Variants in USP13 observed in about 807,000 individuals in gnomAD.
USP13 encodes the protein ubiquitin carboxyl-terminal hydrolase 13.
A neutral mutation model predicts 107.8 loss-of-function variants in USP13; 68 were observed. That is an observed-to-expected ratio of 0.63 (90% CI 0.52 to 0.77). The LOEUF (loss-of-function observed/expected upper bound fraction) is 0.77. Among genes scored for constraint, USP13 ranks in the 30% least tolerant of loss-of-function variants. The probability of loss-of-function intolerance (pLI) is 0.00; values close to 1 mark genes in which losing one functional copy is unlikely to be tolerated. For synonymous variants in USP13, 377 were observed against 389.5 expected (o/e 0.97, Z 0.38); for missense variants, 945 against 1,093.3 (o/e 0.86, Z 1.91).
chr3:179,736,666 G>A lies in USP13; in HGVS notation c.1255-3581G>A, dbSNP rs549234285. ...TTAAGAAAAGTTGGTTAAGGAAAACGAAGAAATGAAATGGTCACAGAAGTG... is the reference window on the plus strand; with the variant it reads ...TTAAGAAAAGTTGGTTAAGGAAAACAAAGAAATGAAATGGTCACAGAAGTG... On this transcript the variant is annotated intron_variant, in intron 10 of 20. Coordinates refer to ENST00000263966, the MANE Select transcript of USP13 (RefSeq NM_003940.3). 1.1e-4 allele frequency among the ~76,000 whole-genome samples: 16 copies of A among 152,328 alleles called. No homozygotes were observed. In the South Asian group the frequency reaches 1.2e-3, roughly 12 times the overall value.
intron 19 of USP13, among the ~76,000 whole-genome samples, chr3:179,776,096 G>C (rs775424112): frequency 9.9e-5 from 15 of 152,136 alleles, no homozygotes; most frequent in Non-Finnish European, 2.2e-4. Flanking sequence ...AGATTTGGAG[G>C]GGACAAACAT....
chr3:179,773,818 A>G (rs1305313809), intron 19 of USP13, among the ~76,000 whole-genome samples: 13 of 152,200 alleles, frequency 8.5e-5, no homozygotes, highest in African/African-American at 3.1e-4. Flanking sequence ...TTATACCCCA[A>G]TTTATAAATC....
chr3:179,680,121 C>T (rs940651015), intron 1 of USP13, among the ~76,000 whole-genome samples: 7 of 151,624 alleles, frequency 4.6e-5, no homozygotes, highest in East Asian at 1.9e-4. Flanking sequence ...TGCAGTGAGC[C>T]GGGATCCTGC....
At chr3:179,775,537 C>T (rs544774206) in intron 19 of USP13, among the ~76,000 whole-genome samples, 14 of 152,374 alleles carry the variant, frequency 9.2e-5, no homozygotes, top group African/African-American at 2.4e-4. Flanking sequence ...AGCCCTTGGG[C>T]GGTCGATGGG....
At chr3:179,776,416 TTTA>T (rs1715540875) in intron 19 of USP13, among the ~76,000 whole-genome samples, 1 of 152,208 alleles carries the variant, frequency 6.6e-6, no homozygotes, top group South Asian at 2.1e-4. Context: ...ATAAACTCTT[TTTA>T]AACAGTCCTT....
intron 19 of USP13, among the ~76,000 whole-genome samples, chr3:179,773,038 C>T (rs1473905173): frequency 6.6e-6 from 1 of 152,090 alleles, no homozygotes; most frequent in Non-Finnish European, 1.5e-5. Context: ...TTGTATATTG[C>T]GCCTGATATA....
intron 6 of USP13, among the ~76,000 whole-genome samples, chr3:179,710,416 G>C (rs1175873662): frequency 2.6e-5 from 4 of 152,192 alleles, no homozygotes; most frequent in Non-Finnish European, 5.9e-5. Flanking sequence ...ATGCTGTCTT[G>C]TGTAGTTGCC....
intron 2 of USP13, among the ~76,000 whole-genome samples, chr3:179,687,683 A>AAAAAAAAAAAAAAAAAAAAAAAAAAAAC (rs1314084317): frequency 6.9e-6 from 1 of 144,534 alleles, no homozygotes; most frequent in Admixed American, 7.0e-5. Flanking sequence ...AAAAAAAAAA[A>AAAAAAAAAAAAAAAAAAAAAAAAAAAAC]AAGGACTAGT....
Position 179,687,659 on chromosome 3 carries a change from CAAAA to C in USP13, c.295-2559_295-2556del, listed in dbSNP as rs71182509. On this transcript the variant is annotated intron_variant, in intron 2 of 20. Coordinates refer to ENST00000263966, the MANE Select transcript of USP13 (RefSeq NM_003940.3). ...GGGCAACAAGAGTGAAACTCTGTCT[CAAAA>C]AAAAAAAAAAAAAAAAAAAAAAGGA... Among the ~76,000 whole-genome samples the C allele has an allele frequency of 6.3e-3, 117 of 18,516 alleles. 5 individuals carry two copies. The highest frequency in any genetic ancestry group is 0.054 in the South Asian group (16 of 296). 12.1% of individuals were successfully genotyped at this position (18,516 alleles called of 152,430 possible).
At chr3:179,707,522 G>A (rs1046784163) in intron 5 of USP13, among the ~76,000 whole-genome samples, 3 of 152,174 alleles carry the variant, frequency 2.0e-5, no homozygotes, top group East Asian at 1.9e-4. Flanking sequence ...AGCCCCAGTC[G>A]CCCACAGTGT....
At chr3:179,778,558 G>A (rs955224383) in intron 19 of USP13, among the ~76,000 whole-genome samples, 9 of 152,308 alleles carry the variant, frequency 5.9e-5, no homozygotes, top group South Asian at 2.1e-4. Context: ...GAGGTCAGGC[G>A]TTCGAGACCG....
At position 179,778,506 on chromosome 3, in the gene USP13, G is replaced by A. The variant is rs1267510615; in HGVS notation, c.2414-3233G>A. On this transcript the variant is annotated intron_variant, in intron 19 of 20. Coordinates refer to ENST00000263966, the MANE Select transcript of USP13 (RefSeq NM_003940.3). ...TGGCTGGGCATGGTGGCTCATACCT[G>A]TAATCCCAGCACTTTGGGAGGCCGA... Among the ~76,000 whole-genome samples the A allele has an allele frequency of 3.3e-5, 5 of 152,204 alleles. 1 individual carries two copies. Among genetic ancestry groups the A allele is most frequent in the African/African-American group, 1.2e-4 (5 of 41,460 alleles).
At position 179,653,402 on chromosome 3, in the gene USP13, G is replaced by T; in HGVS notation, c.168+9G>T. The T allele has an allele frequency of 6.4e-7, 1 of 1,551,532 alleles. No homozygotes were observed. The highest frequency in any genetic ancestry group is 8.7e-7 in the Non-Finnish European group (1 of 1,147,050). Reference sequence around the variant, plus strand: ...TCTCCTACGACTCTCCCGTAAGTGAGGCGCCTCGGGGGAGGGTCGCGGGGC... The same window carrying T: ...TCTCCTACGACTCTCCCGTAAGTGATGCGCCTCGGGGGAGGGTCGCGGGGC... On this transcript the variant is annotated intron_variant, in intron 1 of 20. Coordinates refer to ENST00000263966, the MANE Select transcript of USP13 (RefSeq NM_003940.3). The surrounding 1 kb of genome is among the most constrained non-coding windows in gnomAD (Gnocchi z 4.0).
rs80138753 is a variant in USP13 at position 179,742,529 on chromosome 3, G to C, written c.1534+179G>C. On this transcript the variant is annotated intron_variant, in intron 12 of 20. Transcript: ENST00000263966. This position sits in a 1 kb window ranked among gnomAD's most constrained non-coding sequence, Gnocchi z 5.0. Reference sequence around the variant, plus strand: ...TCCCATGTGACTTTTCCTTTGAGAAGAATCAAATGCATCACAGGTTTTATG... The same window carrying C: ...TCCCATGTGACTTTTCCTTTGAGAACAATCAAATGCATCACAGGTTTTATG... Among the ~76,000 whole-genome samples the C allele has an allele frequency of 6.6e-6, 1 of 152,184 alleles. No homozygotes were observed. Among genetic ancestry groups the C allele is most frequent in the Non-Finnish European group, 1.5e-5 (1 of 68,026 alleles).
chr3:179,653,200 G>T lies in USP13; in HGVS notation c.-26G>T, dbSNP rs774447537. 4 of 1,365,526 alleles carry T rather than the reference G, an allele frequency of 2.9e-6. No individual in the cohort carries two copies. In the South Asian group the frequency reaches 6.9e-5, roughly 24 times the overall value. The allele number at this position is 1,365,526 out of a possible 1,614,324, so 84.6% of individuals were successfully genotyped here. A position where few individuals can be genotyped will look rare whatever the true frequency, so the allele number is the denominator to read the frequency against. The stretch of plus-strand genomic sequence containing the variant: ...CCGCGCTCCGGCTCCGGCTCGGCTC[G>T]CTCGGCTCCGGTGCGCGCCGAGGCC... On this transcript the variant is annotated 5_prime_UTR_variant, in exon 1 of 21. Transcript: ENST00000263966. The surrounding 1 kb of genome is among the most constrained non-coding windows in gnomAD (Gnocchi z 4.0).
At chr3:179,668,866 T>G (rs1157936570) in intron 1 of USP13, among the ~76,000 whole-genome samples, 1 of 152,254 alleles carries the variant, frequency 6.6e-6, no homozygotes, top group Non-Finnish European at 1.5e-5. Context: ...TTCTTATTTA[T>G]GGGTGCTTAA....
At chr3:179,677,077 C>T (rs1189115402) in intron 1 of USP13, among the ~76,000 whole-genome samples, 1 of 151,778 alleles carries the variant, frequency 6.6e-6, no homozygotes, top group African/African-American at 2.4e-5. Context: ...AGGCTGGTCT[C>T]GAACTCCTGA....
chr3:179,774,126 G>A (rs1715426336), intron 19 of USP13, among the ~76,000 whole-genome samples: 1 of 152,210 alleles, frequency 6.6e-6, no homozygotes, highest in Non-Finnish European at 1.5e-5. Flanking sequence ...GAGCAAGCGT[G>A]TCACGTGGCA....
chr3:179,771,369 C>T (rs1221885381), intron 19 of USP13, among the ~76,000 whole-genome samples: 5 of 152,240 alleles, frequency 3.3e-5, no homozygotes, highest in African/African-American at 1.2e-4. Flanking sequence ...TTATGGGCCT[C>T]ACTCCTAGAA....
Sources: allele counts gnomAD v4.1 joint callset (sites outside exome capture counted in the v4.1 genomes callset), GRCh38; gene constraint gnomAD v4.1.1; non-coding constraint Gnocchi (gnomAD v3.1); transcripts MANE v1.5; gene names NCBI Gene and HGNC (gene_info 2026-07-23, HGNC 2026-07-21).